Variants in SCTR observed in about 807,000 individuals in gnomAD.
The protein encoded by SCTR is pancreatic secretin receptor.
In SCTR, 56 loss-of-function variants were observed where a neutral mutation model predicts 60.8. The ratio of observed to expected loss-of-function variants is 0.92; its 90% CI spans 0.74 to 1.15. The LOEUF is 1.15. SCTR is among the 50% of genes most tolerant of loss of function. SCTR has a pLI of 0.00. For synonymous variants in SCTR, 202 were observed against 217.0 expected (o/e 0.93, Z 0.61); for missense variants, 562 against 550.4 (o/e 1.02, Z -0.21).
intron 9 of SCTR, among the ~76,000 whole-genome samples, chr2:119,451,352 A>G (rs1683162534): frequency 6.6e-6 from 1 of 152,208 alleles, no homozygotes; most frequent in African/African-American, 2.4e-5. Context: ...CCTGGCACAG[A>G]GCAGAATCGC....
At chr2:119,515,486 T>A (rs890424811) in intron 1 of SCTR, among the ~76,000 whole-genome samples, 5 of 152,182 alleles carry the variant, frequency 3.3e-5, no homozygotes, top group African/African-American at 1.2e-4. Context: ...GTGAGGAAGA[T>A]CTGCTTCAAC....
At chr2:119,488,590 G>T (rs1677986300) in intron 2 of SCTR, among the ~76,000 whole-genome samples, 1 of 152,194 alleles carries the variant, frequency 6.6e-6, no homozygotes, top group Non-Finnish European at 1.5e-5. Flanking sequence ...GCAACTTCCC[G>T]GAGTAATGTG....
At chr2:119,474,585 T>C (rs1193866281) in intron 3 of SCTR, among the ~76,000 whole-genome samples, 1 of 152,212 alleles carries the variant, frequency 6.6e-6, no homozygotes, top group Non-Finnish European at 1.5e-5. Context: ...GCCACCCCTT[T>C]GCTCTCACTG....
intron 2 of SCTR, among the ~76,000 whole-genome samples, chr2:119,482,562 T>C (rs1042609808): frequency 6.6e-6 from 1 of 152,136 alleles, no homozygotes; most frequent in African/African-American, 2.4e-5. Context: ...AGGAACTCCT[T>C]GGATGTTCCA....
At chr2:119,523,344 C>G (rs551299693) in intron 1 of SCTR, among the ~76,000 whole-genome samples, 1 of 151,594 alleles carries the variant, frequency 6.6e-6, no homozygotes, top group African/African-American at 2.4e-5. Context: ...AGGCCCGGGA[C>G]TCCCAGGAAT....
intron 1 of SCTR, among the ~76,000 whole-genome samples, chr2:119,498,645 G>A (rs1442055666): frequency 6.6e-6 from 1 of 152,080 alleles, no homozygotes; most frequent in African/African-American, 2.4e-5. Context: ...TGAACTGGGA[G>A]CATGAGAACA....
intron 2 of SCTR, among the ~76,000 whole-genome samples, chr2:119,481,128 G>A (rs992796729): frequency 1.3e-5 from 2 of 152,250 alleles, no homozygotes; most frequent in African/African-American, 4.8e-5. Flanking sequence ...TCAGGAGGTT[G>A]GACTAGGCTG....
At chr2:119,524,089 G>T in intron 1 of SCTR, 66 bp downstream of exon 1, 2 of 1,313,222 alleles carry the variant, frequency 1.5e-6, no homozygotes, top group East Asian at 2.6e-5. Context: ...TCCTGCCCGA[G>T]GCCGGAGAAA....
intron 9 of SCTR, among the ~76,000 whole-genome samples, chr2:119,451,529 G>A (rs368352433): frequency 6.6e-6 from 1 of 152,202 alleles, no homozygotes; most frequent in East Asian, 1.9e-4. Flanking sequence ...CGCCCCTCCA[G>A]GCCTGAGCCC....
chr2:119,523,548 G>T (rs1262517198), intron 1 of SCTR, among the ~76,000 whole-genome samples: 1 of 151,782 alleles, frequency 6.6e-6, no homozygotes, highest in South Asian at 2.1e-4. Flanking sequence ...AGACGGTGTG[G>T]GGAGAGCGGC....
At chr2:119,478,644 C>A (rs1384771525) in intron 3 of SCTR, among the ~76,000 whole-genome samples, 167 bp downstream of exon 3, 1 of 152,132 alleles carries the variant, frequency 6.6e-6, no homozygotes, top group East Asian at 1.9e-4. Context: ...TTGAGTCCAC[C>A]CCACATTCCC....
At chr2:119,459,562 C>A (rs1302195771) in intron 7 of SCTR, among the ~76,000 whole-genome samples, 2 of 152,128 alleles carry the variant, frequency 1.3e-5, no homozygotes. Context: ...GGCTTCAGGC[C>A]TTCTAGGGAC....
chr2:119,478,320 G>T (rs1169796687), intron 3 of SCTR, among the ~76,000 whole-genome samples: 1 of 152,180 alleles, frequency 6.6e-6, no homozygotes, highest in African/African-American at 2.4e-5. Flanking sequence ...TCTTAAATCC[G>T]CAGCTGTCTT....
intron 1 of SCTR, among the ~76,000 whole-genome samples, chr2:119,523,951 G>A (rs1338273119): frequency 6.6e-6 from 1 of 152,138 alleles, no homozygotes; most frequent in East Asian, 1.9e-4. Flanking sequence ...TTCGTCTGGC[G>A]CGCACGATGT....
chr2:119,483,891 G>A (rs528971059), intron 2 of SCTR, among the ~76,000 whole-genome samples: 16 of 152,098 alleles, frequency 1.1e-4, no homozygotes, highest in Non-Finnish European at 2.4e-4. Context: ...TGCCTTGCAC[G>A]GTCCCCAGGC....
At position 119,496,205 on chromosome 2, in the gene SCTR, T is replaced by G. The variant is rs992918451; in HGVS notation, c.73-1657A>C. Among the ~76,000 whole-genome samples the G allele has an allele frequency of 3.9e-5, 6 of 152,232 alleles. No individual in the cohort carries two copies. In the South Asian group the frequency reaches 1.0e-3, roughly 26 times the overall value. ...TGGCAGGCACTGCCTGTTAGTTCAC[T>G]GGTCAGCACACATGCTGTTCAGAGC... On this transcript the variant is annotated intron_variant, in intron 1 of 12. Transcript: ENST00000019103.
intron 4 of SCTR, among the ~76,000 whole-genome samples, chr2:119,468,558 G>C (rs921342115): frequency 1.3e-5 from 2 of 152,216 alleles, no homozygotes; most frequent in East Asian, 3.8e-4. Context: ...CAATGCCTTG[G>C]CATGTAGGAA....
chr2:119,498,648 T>C (rs1240923481), intron 1 of SCTR, among the ~76,000 whole-genome samples: 1 of 152,044 alleles, frequency 6.6e-6, no homozygotes, highest in Non-Finnish European at 1.5e-5. Context: ...ACTGGGAGCA[T>C]GAGAACACCA....
At chr2:119,443,592 G>T (rs573938314) in intron 11 of SCTR, among the ~76,000 whole-genome samples, 12 of 152,234 alleles carry the variant, frequency 7.9e-5, no homozygotes, top group Non-Finnish European at 1.6e-4. Flanking sequence ...TGTCACCCAG[G>T]CTGGAGTGCA....
Sources: gnomAD v4.1 joint callset for allele counts (sites outside exome capture counted in the v4.1 genomes callset) on GRCh38, gnomAD v4.1.1 for gene constraint, MANE v1.5 for transcripts, NCBI Gene and HGNC (gene_info 2026-07-23, HGNC 2026-07-21) for gene names.